Variants in HTT observed in about 807,000 individuals in gnomAD.
HTT encodes huntingtin, also known as huntington disease protein.
A neutral mutation model predicts 362.3 loss-of-function variants in HTT; 104 were observed. The observed-to-expected ratio is 0.29, with a 90% CI of 0.24 to 0.34. HTT has a LOEUF of 0.34. Ranked by LOEUF, HTT falls within the 10% of genes least tolerant of loss-of-function variation. The pLI, the probability that HTT is intolerant of heterozygous loss-of-function variation, is 1.00. For synonymous variants in HTT, 1,577 were observed against 1,548.7 expected (o/e 1.02, Z -0.43); for missense variants, 3,301 against 3,928.6 (o/e 0.84, Z 4.27).
intron 2 of HTT, among the ~76,000 whole-genome samples, chr4:3,090,272 C>G (rs1339870462): frequency 6.6e-6 from 1 of 152,192 alleles, no homozygotes; most frequent in Non-Finnish European, 1.5e-5. Context: ...GTCTAAGTTA[C>G]TGGTTCCTAA....
chr4:3,136,466 C>A, intron 21 of HTT, 140 bp downstream of exon 21: 7 of 441,558 alleles, frequency 1.6e-5, no homozygotes, highest in South Asian at 6.8e-5. Flanking sequence ...TATTCTTAAA[C>A]TATAATGAAA....
At chr4:3,232,462 G>A (rs1721301698) in intron 60 of HTT, among the ~76,000 whole-genome samples, 1 of 152,206 alleles carries the variant, frequency 6.6e-6, no homozygotes, top group African/African-American at 2.4e-5. Flanking sequence ...TGAAAGTGAA[G>A]AACGTGGGCT....
At chr4:3,234,759 C>A (rs571008502) in intron 61 of HTT, among the ~76,000 whole-genome samples, 2 of 152,088 alleles carry the variant, frequency 1.3e-5, no homozygotes, top group South Asian at 4.1e-4. Context: ...TCACTGGGCA[C>A]GTTTTTGTGG....
intron 8 of HTT, among the ~76,000 whole-genome samples, chr4:3,117,147 G>A (rs981671957): frequency 1.3e-5 from 2 of 152,192 alleles, no homozygotes; most frequent in African/African-American, 4.8e-5. Context: ...GGACTCTTAA[G>A]AAAGTATTGG....
chr4:3,144,897 G>A (rs1485936355), intron 23 of HTT, among the ~76,000 whole-genome samples: 1 of 152,148 alleles, frequency 6.6e-6, no homozygotes, highest in Non-Finnish European at 1.5e-5. Flanking sequence ...GAGGCGGAAG[G>A]GTGGGAGATC....
intron 60 of HTT, among the ~76,000 whole-genome samples, chr4:3,231,768 C>G (rs1028389174): frequency 6.6e-6 from 1 of 152,156 alleles, no homozygotes; most frequent in Non-Finnish European, 1.5e-5. Flanking sequence ...GGGTCCTTCT[C>G]CTTTGTGGGA....
intron 23 of HTT, among the ~76,000 whole-genome samples, chr4:3,143,436 CAAAAAAAAA>C (rs1056047426): frequency 1.4e-5 from 1 of 70,208 alleles, no homozygotes; most frequent in East Asian, 4.1e-4. Context: ...GACTCTGTCT[CAAAAAAAAA>C]AAAAAAAAAA....
intron 37 of HTT, among the ~76,000 whole-genome samples, chr4:3,184,223 A>G (rs1718653521): frequency 6.6e-6 from 1 of 152,078 alleles, no homozygotes; most frequent in Non-Finnish European, 1.5e-5. Context: ...TACCTGGGGA[A>G]GGAACATTCC....
At chr4:3,082,375 A>G (rs1712958116) in intron 1 of HTT, among the ~76,000 whole-genome samples, 1 of 152,148 alleles carries the variant, frequency 6.6e-6, no homozygotes, top group African/African-American at 2.4e-5. Context: ...ATGGATCCAC[A>G]CTCAAAACAT....
At chr4:3,196,046 A>T (rs1185491084) in intron 40 of HTT, among the ~76,000 whole-genome samples, 3 of 152,158 alleles carry the variant, frequency 2.0e-5, no homozygotes, top group Admixed American at 2.0e-4. Context: ...TGATTCCAGG[A>T]TGAGGAAAGT....
intron 22 of HTT, among the ~76,000 whole-genome samples, chr4:3,141,579 A>G (rs1716348084): frequency 6.6e-6 from 1 of 152,206 alleles, no homozygotes; most frequent in Non-Finnish European, 1.5e-5. Flanking sequence ...CCAGGGCAAC[A>G]TGGCAAAACC....
intron 29 of HTT, among the ~76,000 whole-genome samples, chr4:3,166,440 G>A (rs1224445757): frequency 6.6e-6 from 1 of 152,200 alleles, no homozygotes; most frequent in African/African-American, 2.4e-5. Flanking sequence ...GAGAACCACT[G>A]CTCTCTTCAG....
At position 3,150,208 on chromosome 4, in the gene HTT, C is replaced by T. The variant is rs982834919; in HGVS notation, c.3498+2001C>T. Among the ~76,000 whole-genome samples the T allele has an allele frequency of 3.3e-5, 5 of 152,348 alleles. No individual in the cohort carries two copies. In the South Asian group the frequency reaches 6.2e-4, roughly 19 times the overall value. ...CTATAACCATGGCAGTGCTCCATAG[C>T]TATGCCAGGCAAGACAGTAGCCACT... On this transcript the variant is annotated intron_variant, in intron 26 of 66. Coordinates refer to ENST00000355072, the MANE Select transcript of HTT (RefSeq NM_001388492.1).
chr4:3,161,730 G>A (rs1717458648), intron 29 of HTT, among the ~76,000 whole-genome samples: 1 of 152,178 alleles, frequency 6.6e-6, no homozygotes, highest in African/African-American at 2.4e-5. Flanking sequence ...CTTTTGCGAA[G>A]TGTCTGTTCA....
chr4:3,174,832 G>A, intron 32 of HTT, 33 bp downstream of exon 32: 2 of 1,603,388 alleles, frequency 1.2e-6, no homozygotes, highest in Non-Finnish European at 1.7e-6. Flanking sequence ...TGTGAACTCA[G>A]GCGTGTCAGT....
At chr4:3,168,636 T>C (rs966437721) in intron 29 of HTT, among the ~76,000 whole-genome samples, 4 of 152,364 alleles carry the variant, frequency 2.6e-5, no homozygotes, top group Non-Finnish European at 5.9e-5. Flanking sequence ...CGATTTTTCA[T>C]GTAACTCCTT....
At position 3,136,779 on chromosome 4, in the gene HTT, T is replaced by C. The variant is rs12642164; in HGVS notation, c.2798+453T>C. On this transcript the variant is annotated intron_variant, in intron 21 of 66. Coordinates refer to ENST00000355072, the MANE Select transcript of HTT (RefSeq NM_001388492.1). ...TGTTATGAAACAGTAATTTTAGTTA[T>C]GGGTCGTTGTTTTGCTATGCGGTTG... Among the ~76,000 whole-genome samples, 16 of 152,326 alleles carry C rather than the reference T, an allele frequency of 1.1e-4. No individual in the cohort carries two copies. The East Asian group carries it at 2.1e-3, about 20-fold the overall frequency.
intron 15 of HTT, 57 bp from the exon 16 acceptor site, chr4:3,131,581 C>A (rs1715818606): frequency 1.3e-6 from 2 of 1,599,668 alleles, no homozygotes; most frequent in East Asian, 2.2e-5. Flanking sequence ...TGGTTTTGTT[C>A]ATTTGAAAAC....
rs115339314 is a variant in HTT, at chr4:3,209,796, A to T, written c.6292-31A>T. The T allele has an allele frequency of 7.9e-4, 1,270 of 1,611,248 alleles. 7 individuals carry two copies. The African/African-American group carries it at 0.015, about 19-fold the overall frequency. ...GAAGTCCCCTTGAACGCCGCCCATC[A>T]TGTTCCCCTTATCCATTTTTTTCTT... On this transcript the variant is annotated intron_variant, in intron 46 of 66. Transcript: ENST00000355072.
Sources: gnomAD v4.1 joint callset for allele counts (sites outside exome capture counted in the v4.1 genomes callset) on GRCh38, gnomAD v4.1.1 for gene constraint, MANE v1.5 for transcripts, NCBI Gene and HGNC (gene_info 2026-07-23, HGNC 2026-07-21) for gene names.